Variants in NHSL2 observed in about 807,000 individuals in gnomAD.
The protein encoded by NHSL2 is NHS like 2.
In NHSL2, 27 loss-of-function variants were observed where a neutral mutation model predicts 53.4. The observed-to-expected ratio is 0.51, with a 90% CI of 0.37 to 0.70. The LOEUF (loss-of-function observed/expected upper bound fraction) is 0.70. NHSL2 is among the 30% of genes least tolerant of loss of function. The pLI, the probability that NHSL2 is intolerant of heterozygous loss-of-function variation, is 0.00. For missense variants in NHSL2, 892 were observed against 980.1 expected (o/e 0.91, Z 1.20); for synonymous variants, 408 against 404.1 (o/e 1.01, Z -0.12).
intron 1 of NHSL2, among the ~76,000 whole-genome samples, chrX:72,117,702 T>C (rs1157665932): frequency 1.8e-5 from 2 of 111,604 alleles, no homozygotes; most frequent in East Asian, 5.6e-4. Context: ...TGTGGCCTTT[T>C]GTGACTGGCT....
rs781706726 is a variant in NHSL2 at position 72,138,745 on chromosome X, C to T, written c.1197C>T (p.Tyr399=). 13 of 1,207,910 alleles carry T rather than the reference C, an allele frequency of 1.1e-5. No homozygotes were observed. Among genetic ancestry groups the T allele is most frequent in the Non-Finnish European group, 1.5e-5 (13 of 893,533 alleles). ...STSWKGDAFT[Y]MTPSATSQSN... ...CCTGGAAGGGAGATGCTTTTACCTA[C>T]ATGACTCCAAGTGCCACCAGCCAGA... is the stretch of plus-strand genomic sequence containing the variant. The change falls in exon 6 of 8, where the codon TAC becomes TAT. Residue 399 remains tyrosine, a synonymous_variant. Transcript: ENST00000633930.
In NHSL2 at chrX:72,138,932, A is replaced by T. The variant is rs757431437; in HGVS notation, c.1384A>T (p.Ile462Phe). The T allele has an allele frequency of 6.6e-6, 8 of 1,207,077 alleles. No individual in the cohort carries two copies. The highest frequency in any genetic ancestry group is 9.0e-6 in the Non-Finnish European group (8 of 893,536). ...SGSAGYPERL[I>F]QQRHMPERPS... ...GTCAGCTGGCTACCCTGAGCGCCTT[A>T]TTCAGCAAAGGCACATGCCCGAAAG... Residue 462 changes from isoleucine to phenylalanine, a missense_variant, in exon 6 of 8, where the codon ATT becomes TTT. Transcript: ENST00000633930.
intron 1 of NHSL2, among the ~76,000 whole-genome samples, chrX:72,026,355 C>A (rs1258807331): frequency 8.9e-6 from 1 of 112,193 alleles, no homozygotes; most frequent in Non-Finnish European, 1.9e-5. Flanking sequence ...AAGCTGAGAA[C>A]CATGGCCTCA....
Position 71,964,055 on chromosome X carries a change from A to ATG in NHSL2, c.280+52692_280+52693dup, listed in dbSNP as rs1556312447. Among the ~76,000 whole-genome samples, 15 of 81,725 alleles carry ATG rather than the reference A, an allele frequency of 1.8e-4. 1 individual carries two copies. Among genetic ancestry groups the ATG allele is most frequent in the East Asian group, 4.5e-4 (1 of 2,234 alleles). 71.0% of individuals were successfully genotyped at this position (81,725 alleles called of 115,157 possible). Reference sequence around the variant, plus strand: ...TATATATATATATGTATATATATATATGTGTATATATATATTATTATTATT... The same window carrying ATG: ...TATATATATATATGTATATATATATATGTGTGTATATATATATTATTATTATT... On this transcript the variant is annotated intron_variant, in intron 1 of 7. Coordinates refer to ENST00000633930, the MANE Select transcript of NHSL2 (RefSeq NM_001013627.3).
intron 1 of NHSL2, among the ~76,000 whole-genome samples, chrX:72,001,030 T>C (rs954139198): frequency 8.9e-6 from 1 of 111,831 alleles, no homozygotes; most frequent in Non-Finnish European, 1.9e-5. Context: ...GTGGGGCCTA[T>C]GGAATTCTTC....
intron 1 of NHSL2, among the ~76,000 whole-genome samples, chrX:72,005,778 A>G (rs1358791584): frequency 8.9e-6 from 1 of 112,099 alleles, no homozygotes; most frequent in Non-Finnish European, 1.9e-5. Context: ...TAGCTGAGTT[A>G]CATGGTTCTA....
intron 1 of NHSL2, among the ~76,000 whole-genome samples, chrX:72,047,110 T>G (rs2042309995): frequency 1.8e-5 from 2 of 111,300 alleles, no homozygotes; most frequent in Admixed American, 9.5e-5. Flanking sequence ...GTTGCACCCT[T>G]ATTTCCCCTC....
chrX:71,956,816 T>G (rs1269112374), intron 1 of NHSL2, among the ~76,000 whole-genome samples: 1 of 111,361 alleles, frequency 9.0e-6, no homozygotes, highest in Non-Finnish European at 1.9e-5. Context: ...TGCCCCACAC[T>G]CCATTCCCAA....
At chrX:71,938,736 A>G (rs1569464491) in intron 1 of NHSL2, among the ~76,000 whole-genome samples, 1 of 113,022 alleles carries the variant, frequency 8.8e-6, no homozygotes, top group East Asian at 2.8e-4. Context: ...AAGAGAATGC[A>G]CTGGCTCTTG....
rs73635612 is a variant in NHSL2 at position 72,045,131 on chromosome X, C to T, written c.281-86948C>T. On this transcript the variant is annotated intron_variant, in intron 1 of 7. Transcript: ENST00000633930. ...ACCCAGCAGCCTTCCCAGCATCTAG[C>T]ACACATAACAGCCCAAGTCAGGGCA... 4.5e-3 allele frequency among the ~76,000 whole-genome samples: 506 copies of T among 111,605 alleles called. 3 individuals are homozygous for T. The highest frequency in any genetic ancestry group is 0.015 in the African/African-American group (471 of 30,644).
rs764673548 is a variant in NHSL2, at chrX:72,067,693, C to T, written c.281-64386C>T. Among the ~76,000 whole-genome samples the T allele has an allele frequency of 1.2e-3, 140 of 112,148 alleles. 2 individuals are homozygous for T. In the South Asian group the frequency reaches 0.017, roughly 14 times the overall value. On this transcript the variant is annotated intron_variant, in intron 1 of 7. Coordinates refer to ENST00000633930, the MANE Select transcript of NHSL2 (RefSeq NM_001013627.3). ...CTGGCCCTTCATGCTTGCTCTGGGA[C>T]CTCTATTTCCCAAGCCCTCTTTTCT...
At chrX:71,994,068 A>T (rs1349367855) in intron 1 of NHSL2, among the ~76,000 whole-genome samples, 2 of 111,688 alleles carry the variant, frequency 1.8e-5, no homozygotes, top group African/African-American at 6.5e-5. Context: ...CCCTCTCCTT[A>T]GGCCAAACAA....
chrX:72,054,843 C>T (rs2042359594), intron 1 of NHSL2, among the ~76,000 whole-genome samples: 1 of 111,241 alleles, frequency 9.0e-6, no homozygotes, highest in African/African-American at 3.3e-5. Context: ...CCTTTTCTAG[C>T]CTCCATGATG....
At chrX:71,941,727 A>G (rs918089636) in intron 1 of NHSL2, among the ~76,000 whole-genome samples, 3 of 112,384 alleles carry the variant, frequency 2.7e-5, no homozygotes, top group African/African-American at 9.7e-5. Context: ...TGGGGGCCTA[A>G]TAGAATTTAG....
rs1206000557 is a variant in NHSL2, at chrX:72,139,068, C to T, written c.1520C>T (p.Thr507Ile). The T allele has an allele frequency of 8.5e-7, 1 of 1,170,298 alleles. No homozygotes were observed. The change falls in exon 6 of 8, where the codon ACC becomes ATC. Residue 507 changes from threonine (T) to isoleucine (I), a missense_variant. Transcript: ENST00000633930. ...RSLSVPTDSG[T>I]TDVDYDEEQK... ...CTGTCTGTGCCCACAGACTCAGGCACCACAGATGTGGACTATGATGAGGAG... is the reference window on the plus strand; with the variant it reads ...CTGTCTGTGCCCACAGACTCAGGCATCACAGATGTGGACTATGATGAGGAG...
In NHSL2 at chrX:72,142,302, G is replaced by A. The variant is rs1569484677; in HGVS notation, c.3294G>A (p.Glu1098=). The change falls in exon 7 of 8, where the codon GAG becomes GAA. Residue 1098 remains glutamate, a synonymous_variant. Transcript: ENST00000633930. ...ATAAAACAGCTGAATGGATTGCAGA[G>A]GATGATGATGACGTGTTTGTGGCTT... ...ISDKTAEWIA[E]DDDDVFVASR... 3.5e-6 allele frequency: 4 copies of A among 1,157,951 alleles called. No homozygotes were observed. In the South Asian group the frequency reaches 5.7e-5, roughly 17 times the overall value.
chrX:72,027,995 C>CGCT (rs1207111467), intron 1 of NHSL2, among the ~76,000 whole-genome samples: 21 of 111,210 alleles, frequency 1.9e-4, no homozygotes, highest in Middle Eastern at 4.6e-3. Flanking sequence ...CTGCTGCTGC[C>CGCT]GCTGCTGCTG....
chrX:72,123,609 G>A (rs1186648761), intron 1 of NHSL2, among the ~76,000 whole-genome samples: 1 of 112,178 alleles, frequency 8.9e-6, no homozygotes. Flanking sequence ...TCTGTATGAT[G>A]CAAGAGGTGA....
At position 72,140,331 on chromosome X, in the gene NHSL2, A is replaced by T. The variant is rs750755266; in HGVS notation, c.2783A>T (p.Lys928Met). The T allele has an allele frequency of 6.0e-5, 73 of 1,209,182 alleles. No individual in the cohort carries two copies. Among genetic ancestry groups the T allele is most frequent in the Non-Finnish European group, 8.2e-5 (73 of 894,700 alleles). The change falls in exon 6 of 8, where the codon AAG becomes ATG. Residue 928 changes from lysine (K) to methionine (M), a missense_variant. Lys to Met is a moderately conservative substitution (Grantham distance 95, BLOSUM62 -1). Coordinates refer to ENST00000633930, the MANE Select transcript of NHSL2 (RefSeq NM_001013627.3). ...AGCTACACGGTAGTGCGGAAACCAA[A>T]GCCCTCCAGCTTCCCAGATGGCAGA... ...QDSYTVVRKPKPSSFPDGRSP... is the reference protein window; with the variant it reads ...QDSYTVVRKPMPSSFPDGRSP...
Sources: gnomAD v4.1 joint callset for allele counts (sites outside exome capture counted in the v4.1 genomes callset) on GRCh38, gnomAD v4.1.1 for gene constraint, MANE v1.5 for transcripts, NCBI Gene and HGNC (gene_info 2026-07-23, HGNC 2026-07-21) for gene names.